Variants in GDPD4 observed in about 807,000 individuals in gnomAD.
GDPD4 encodes glycerophosphodiester phosphodiesterase domain containing 4.
GDPD4 carries 60 observed loss-of-function variants against 67.8 expected under a neutral mutation model. That is an observed-to-expected ratio of 0.88 (90% CI 0.72 to 1.10). GDPD4 has a LOEUF of 1.10. GDPD4 is among the 50% of genes least tolerant of loss of function. GDPD4 has a pLI of 0.00. For missense variants in GDPD4, 623 were observed against 613.9 expected (o/e 1.01, Z -0.16); for synonymous variants, 212 against 210.9 (o/e 1.00, Z -0.04).
chr11:77,269,394 G>A (rs1959194999), intron 8 of GDPD4, among the ~76,000 whole-genome samples: 1 of 152,176 alleles, frequency 6.6e-6, no homozygotes, highest in Non-Finnish European at 1.5e-5. Context: ...TTCTCAGGAG[G>A]AGGAGGAGCT....
intron 16 of GDPD4, among the ~76,000 whole-genome samples, 169 bp downstream of exon 16, chr11:77,227,695 C>T (rs1188918786): frequency 6.6e-6 from 1 of 152,196 alleles, no homozygotes; most frequent in Non-Finnish European, 1.5e-5. Flanking sequence ...TGTACAGAGT[C>T]CTCCAGAATC....
Position 77,258,443 on chromosome 11 carries a change from G to T in GDPD4, c.807C>A (p.Phe269Leu), listed in dbSNP as rs1959045920. The T allele has an allele frequency of 6.2e-7, 1 of 1,614,136 alleles. No homozygotes were observed. The highest frequency in any genetic ancestry group is 1.1e-5 in the South Asian group (1 of 91,080). The change falls in exon 11 of 17, where the codon TTC becomes TTA. Residue 269 changes from phenylalanine to leucine, a missense_variant. Coordinates refer to ENST00000315938, the MANE Select transcript of GDPD4 (RefSeq NM_182833.3). ...GAGTCGATAGGAAATCCCAGTTGAA[G>T]AAGGCAGGGTTCTCGCAGGCAGATT... ...QPESACENPAFFNWDFLSTLN... is the reference protein window; with the variant it reads ...QPESACENPALFNWDFLSTLN...
chr11:77,218,783 CTATCACTGATGGACAT>C (rs1161394828), intron 16 of GDPD4, among the ~76,000 whole-genome samples: 1 of 152,160 alleles, frequency 6.6e-6, no homozygotes, highest in East Asian at 1.9e-4. Flanking sequence ...TTAATCCAGT[CTATCACTGATGGACAT>C]TTGGGTTGGT....
chr11:77,217,142 G>T lies in GDPD4; in HGVS notation c.*135C>A. 1 of 755,480 alleles carries T rather than the reference G, an allele frequency of 1.3e-6. No individual in the cohort carries two copies. Among genetic ancestry groups the T allele is most frequent in the Non-Finnish European group, 2.4e-6 (1 of 410,176 alleles). 46.8% of individuals were successfully genotyped at this position (755,480 alleles called of 1,614,324 possible). The stretch of plus-strand genomic sequence containing the variant: ...ATTCTTGATAGGTAGTAGTTTCTTG[G>T]ATGGTGCTGCAAAATTGAAATGGCC... On this transcript the variant is annotated 3_prime_UTR_variant, in exon 17 of 17. Transcript: ENST00000315938.
At chr11:77,219,831 C>A (rs1277900845) in intron 16 of GDPD4, among the ~76,000 whole-genome samples, 1 of 152,134 alleles carries the variant, frequency 6.6e-6, no homozygotes, top group African/African-American at 2.4e-5. Context: ...CAGCTTTGTT[C>A]TTTTTGCTTA....
chr11:77,237,605 TTTG>T (rs1202410047), intron 13 of GDPD4, among the ~76,000 whole-genome samples: 3 of 152,190 alleles, frequency 2.0e-5, no homozygotes, highest in African/African-American at 7.2e-5. Flanking sequence ...AGTACACAGG[TTTG>T]TTCTCTGATC....
chr11:77,276,149 C>A lies in GDPD4; in HGVS notation c.207+12G>T. The A allele has an allele frequency of 6.2e-7, 1 of 1,607,864 alleles. No individual in the cohort carries two copies. Among genetic ancestry groups the A allele is most frequent in the Non-Finnish European group, 8.5e-7 (1 of 1,174,332 alleles). On this transcript the variant is annotated intron_variant, in intron 5 of 16. Transcript: ENST00000315938. ...TGGTCTAAGGTTTCCTATGTGGACT[C>A]AGATGTCCTACCTTATGACACAAGT...
chr11:77,274,563 G>A (rs1052075434), intron 5 of GDPD4, among the ~76,000 whole-genome samples: 20 of 152,036 alleles, frequency 1.3e-4, no homozygotes, highest in South Asian at 4.2e-4. Flanking sequence ...GCCTTCCACC[G>A]TGATTGTATG....
intron 3 of GDPD4, 149 bp downstream of exon 3, chr11:77,284,936 G>T: frequency 1.5e-6 from 1 of 646,078 alleles, no homozygotes; most frequent in Non-Finnish European, 2.8e-6. Flanking sequence ...TGCCCCAGAG[G>T]CAGGCCTCTC....
chr11:77,282,453 A>C (rs1959798495), intron 3 of GDPD4, among the ~76,000 whole-genome samples: 1 of 145,654 alleles, frequency 6.9e-6, no homozygotes, highest in African/African-American at 2.6e-5. Context: ...CAGGAGTTTG[A>C]GACCAGCCTG....
At chr11:77,252,966 G>A (rs770382363) in intron 11 of GDPD4, among the ~76,000 whole-genome samples, 19 of 152,296 alleles carry the variant, frequency 1.2e-4, no homozygotes, top group Non-Finnish European at 2.5e-4. Flanking sequence ...GGTCTGACAC[G>A]GCCTACAATC....
chr11:77,247,823 G>A (rs968451593), intron 11 of GDPD4, among the ~76,000 whole-genome samples: 4 of 151,986 alleles, frequency 2.6e-5, no homozygotes, highest in Admixed American at 6.5e-5. Flanking sequence ...AGGCCGAGAC[G>A]GGCGAATCAC....
intron 13 of GDPD4, among the ~76,000 whole-genome samples, chr11:77,233,446 G>GGAA (rs34738067): frequency 3.0e-5 from 3 of 100,408 alleles, no homozygotes; most frequent in Non-Finnish European, 3.8e-5. Flanking sequence ...AAAACATATT[G>GGAA]AAAAAAAAAA....
At chr11:77,259,999 A>G (rs1303053000) in intron 10 of GDPD4, among the ~76,000 whole-genome samples, 1 of 152,146 alleles carries the variant, frequency 6.6e-6, no homozygotes, top group Non-Finnish European at 1.5e-5. Context: ...GGCTTTCTTT[A>G]GAGACTCCAG....
chr11:77,295,630 CTAAA>C (rs1937929084), intron 1 of GDPD4, among the ~76,000 whole-genome samples: 1 of 151,998 alleles, frequency 6.6e-6, no homozygotes. Context: ...GACCTTGTCT[CTAAA>C]TGAATAAATA....
At chr11:77,281,710 T>A (rs962739006) in intron 3 of GDPD4, among the ~76,000 whole-genome samples, 1 of 152,150 alleles carries the variant, frequency 6.6e-6, no homozygotes, top group Non-Finnish European at 1.5e-5. Context: ...CACACTTTGA[T>A]TTGGAACCTT....
intron 13 of GDPD4, among the ~76,000 whole-genome samples, chr11:77,235,017 T>G (rs903323895): frequency 4.8e-5 from 6 of 125,010 alleles, no homozygotes; most frequent in South Asian, 5.3e-4. Flanking sequence ...CTGTTTTTTT[T>G]TTTTTTTTTT....
chr11:77,291,584 C>T (rs1289780135), intron 1 of GDPD4, among the ~76,000 whole-genome samples: 2 of 152,128 alleles, frequency 1.3e-5, no homozygotes, highest in Non-Finnish European at 2.9e-5. Flanking sequence ...CCTGATTTTA[C>T]CATTACACAT....
chr11:77,252,828 A>C lies in GDPD4; in HGVS notation c.864+5558T>G, dbSNP rs115570978. Among the ~76,000 whole-genome samples the C allele has an allele frequency of 7.6e-3, 1,161 of 152,174 alleles. 16 individuals are homozygous for C. The highest frequency in any genetic ancestry group is 0.025 in the African/African-American group (1,052 of 41,490). ...CATCTCAGTGGCTTAGGGGTGTGGA[A>C]ATTTGTTGTCGCAACAGCAGAGGTG... On this transcript the variant is annotated intron_variant, in intron 11 of 16. Transcript: ENST00000315938.
Sources: allele counts gnomAD v4.1 joint callset (sites outside exome capture counted in the v4.1 genomes callset), GRCh38; gene constraint gnomAD v4.1.1; transcripts MANE v1.5; gene names NCBI Gene and HGNC (gene_info 2026-07-23, HGNC 2026-07-21).